The following SIRT2 variants were observed in gnomAD, a reference collection of about 807,000 sequenced individuals.
The protein encoded by SIRT2 is sirtuin 2, also known as NAD-dependent protein deacetylase sirtuin-2.
A neutral mutation model predicts 57.4 loss-of-function variants in SIRT2; 40 were observed. That is an observed-to-expected ratio of 0.70 (90% confidence interval 0.54 to 0.91). The LOEUF is 0.91. Among genes scored for constraint, SIRT2 ranks in the 40% least tolerant of loss-of-function variants. SIRT2 has a pLI of 0.00. For synonymous variants in SIRT2, 161 were observed against 195.7 expected (o/e 0.82, Z 1.48); for missense variants, 439 against 510.4 (o/e 0.86, Z 1.35).
Position 38,880,407 on chromosome 19 carries a change from C to A in SIRT2, c.876+278G>T. 1 of 359,544 alleles carries A rather than the reference C, an allele frequency of 2.8e-6. No individual in the cohort carries two copies. Among genetic ancestry groups the A allele is most frequent in the Non-Finnish European group, 5.0e-6 (1 of 201,952 alleles). The allele number at this position is 359,544 out of a possible 1,614,324, so 22.3% of individuals were successfully genotyped here. The stretch of plus-strand genomic sequence containing the variant: ...GACCCAACCCCGCCCCCCGCACTGT[C>A]TCTCCTGACCCCTGCACCCCCTCCC... On this transcript the variant is annotated intron_variant, in intron 13 of 15. Coordinates refer to ENST00000249396, the MANE Select transcript of SIRT2 (RefSeq NM_012237.4). The surrounding 1 kb of genome is among the most constrained non-coding windows in gnomAD (Gnocchi z 4.1).
rs762318031 is a variant in SIRT2 at position 38,889,864 on chromosome 19, G to A, written c.366C>T (p.Ser122=). ...LPYPEAIFEI[S]YFKKHPEPFF... is the part of the protein sequence containing the mutation. ...CTGGGGGAGCACAAACCTTGAAATA[G>A]CTGATCTCAAAGATGGCCTCTGGGT... Residue 122 remains serine (S), a synonymous_variant, in exon 6 of 16, where the codon AGC becomes AGT. Coordinates refer to ENST00000249396, the MANE Select transcript of SIRT2 (RefSeq NM_012237.4). The A allele has an allele frequency of 3.7e-6, 6 of 1,613,888 alleles. No homozygotes were observed. Among genetic ancestry groups the A allele is most frequent in the Non-Finnish European group, 4.2e-6 (5 of 1,179,762 alleles).
In SIRT2 at chr19:38,889,116, T is replaced by G. The variant is rs756924846; in HGVS notation, c.472A>C (p.Lys158Gln). The G allele has an allele frequency of 6.2e-7, 1 of 1,612,986 alleles. No individual in the cohort carries two copies. The highest frequency in any genetic ancestry group is 2.2e-5 in the East Asian group (1 of 44,878). ...CHYFMRLLKD[K>Q]GLLLRCYTQN... is the part of the protein sequence containing the mutation. ...GTGTAGCAGCGCAGGAGTAGCCCCT[T>G]GTCCTTCAGCAGGCGCATGAAGTAG... The change falls in exon 8 of 16, where the codon AAG becomes CAG. Residue 158 changes from lysine (K) to glutamine (Q), a missense_variant. By Grantham distance (53) the Lys-to-Gln change is moderately conservative (BLOSUM62 1). Transcript: ENST00000249396.
chr19:38,883,054 GA>G (rs1203525480), intron 9 of SIRT2, among the ~76,000 whole-genome samples: 2 of 150,774 alleles, frequency 1.3e-5, no homozygotes, highest in African/African-American at 2.4e-5. Context: ...GGCTTTCCAT[GA>G]GTGGAATAAG....
Position 38,893,562 on chromosome 19 carries a change from G to A in SIRT2, c.113-35C>T, listed in dbSNP as rs1338203561. The stretch of plus-strand genomic sequence containing the variant: ...AAGAAGAGAGACAGCGGCAGGACGG[G>A]CATTCAGCCAGGGGCATGGATGTCT... On this transcript the variant is annotated intron_variant, in intron 3 of 15. Transcript: ENST00000249396. 4.0e-6 allele frequency: 6 copies of A among 1,482,378 alleles called. No homozygotes were observed. In the South Asian group the frequency reaches 4.6e-5, roughly 11 times the overall value. The allele number at this position is 1,482,378 out of a possible 1,614,324, so 91.8% of individuals were successfully genotyped here. A position where few individuals can be genotyped will look rare whatever the true frequency, so the allele number is the denominator to read the frequency against.
chr19:38,889,591 G>A (rs1230344476), intron 7 of SIRT2, 98 bp downstream of exon 7: 1 of 1,374,464 alleles, frequency 7.3e-7, no homozygotes, highest in East Asian at 2.4e-5. Flanking sequence ...TGTACTTAAT[G>A]GCTACATAAT....
intron 2 of SIRT2, chr19:38,894,177 G>T: frequency 2.7e-6 from 1 of 371,130 alleles, no homozygotes; most frequent in Non-Finnish European, 4.9e-6. Context: ...GCTTGCTGCA[G>T]CCTCAACCTC....
intron 1 of SIRT2, among the ~76,000 whole-genome samples, chr19:38,899,214 AC>A (rs1186059387): frequency 6.6e-6 from 1 of 152,062 alleles, no homozygotes; most frequent in East Asian, 1.9e-4. Context: ...AGCAAGCGGG[AC>A]CGGGGCAACT....
chr19:38,885,111 G>A lies in SIRT2; in HGVS notation c.502-1355C>T, dbSNP rs1031872676. Among the ~76,000 whole-genome samples the A allele has an allele frequency of 6.0e-5, 9 of 151,186 alleles. No homozygotes were observed. The East Asian group carries it at 1.8e-3, about 29-fold the overall frequency. On this transcript the variant is annotated intron_variant, in intron 8 of 15. Transcript: ENST00000249396. ...TGTTCTTTTCTTTTTTTGGAGGCAG[G>A]GTCTTGCTCTGTCACTCAGGCTGGA...
intron 1 of SIRT2, among the ~76,000 whole-genome samples, chr19:38,899,089 G>C (rs1973836470): frequency 6.6e-6 from 1 of 152,150 alleles, no homozygotes; most frequent in Non-Finnish European, 1.5e-5. Context: ...GGGAGGTGCA[G>C]TGGTGCAGTG....
At chr19:38,884,268 T>C (rs931476696) in intron 8 of SIRT2, among the ~76,000 whole-genome samples, 4 of 152,212 alleles carry the variant, frequency 2.6e-5, no homozygotes, top group Admixed American at 2.6e-4. Context: ...GATGCTTTAT[T>C]TCCACCTGTC....
At chr19:38,891,550 A>AAAT (rs892589057) in intron 4 of SIRT2, among the ~76,000 whole-genome samples, 2 of 152,006 alleles carry the variant, frequency 1.3e-5, no homozygotes, top group African/African-American at 2.4e-5. Flanking sequence ...CTCTGTCTCA[A>AAAT]AATAATAATA....
At chr19:38,889,622 C>T (rs1973458290) in intron 7 of SIRT2, 67 bp downstream of exon 7, 7 of 1,567,930 alleles carry the variant, frequency 4.5e-6, no homozygotes, top group East Asian at 2.2e-5. Flanking sequence ...AGGGCCTTGG[C>T]GGGGCTTCTC....
chr19:38,896,173 T>C (rs1973711065), intron 2 of SIRT2, among the ~76,000 whole-genome samples: 1 of 152,198 alleles, frequency 6.6e-6, no homozygotes, highest in South Asian at 2.1e-4. Flanking sequence ...ATTATACTCA[T>C]GTATACTTCA....
intron 2 of SIRT2, among the ~76,000 whole-genome samples, chr19:38,896,713 G>A (rs948274292): frequency 4.6e-5 from 7 of 152,196 alleles, no homozygotes; most frequent in Admixed American, 2.0e-4. Flanking sequence ...GACAGTGGTC[G>A]TGCTTTGGGA....
In SIRT2 at chr19:38,880,125, A is replaced by C. The variant is rs529651436; in HGVS notation, c.877-423T>G. 5.2e-6 allele frequency: 1 copy of C among 193,384 alleles called. No homozygotes were observed. The highest frequency in any genetic ancestry group is 1.4e-4 in the East Asian group (1 of 7,398). 12.0% of individuals were successfully genotyped at this position (193,384 alleles called of 1,614,324 possible). ...CAGGCGTGAGCCATTGCGCCCAGCC[A>C]GCTCAGTGACTTTGGTCAAGTGACT... On this transcript the variant is annotated intron_variant, in intron 13 of 15. Transcript: ENST00000249396. This position sits in a 1 kb window ranked among gnomAD's most constrained non-coding sequence, Gnocchi z 4.1.
intron 2 of SIRT2, among the ~76,000 whole-genome samples, chr19:38,895,888 T>G (rs1973700370): frequency 6.6e-6 from 1 of 152,032 alleles, no homozygotes; most frequent in African/African-American, 2.4e-5. Context: ...CTGGCCAACA[T>G]GATGAAACCC....
At chr19:38,892,517 G>A (rs558413383) in intron 4 of SIRT2, among the ~76,000 whole-genome samples, 40 of 152,198 alleles carry the variant, frequency 2.6e-4, no homozygotes, top group East Asian at 2.5e-3. Flanking sequence ...CACAGCTCTC[G>A]CTATGTTCCA....
At position 38,879,527 on chromosome 19, in the gene SIRT2, C is replaced by T. The variant is rs756316225; in HGVS notation, c.948-27G>A. 20 of 1,589,748 alleles carry T rather than the reference C, an allele frequency of 1.3e-5. No homozygotes were observed. The South Asian group carries it at 2.3e-4, about 18-fold the overall frequency. Reference sequence around the variant, plus strand: ...TGCGGTGCAGCAGGAGATCAGAGTTCCCAGGCGGGCTCGCCCCTGCCTGCT... The same window carrying T: ...TGCGGTGCAGCAGGAGATCAGAGTTTCCAGGCGGGCTCGCCCCTGCCTGCT... On this transcript the variant is annotated intron_variant, in intron 14 of 15. Coordinates refer to ENST00000249396, the MANE Select transcript of SIRT2 (RefSeq NM_012237.4).
intron 2 of SIRT2, among the ~76,000 whole-genome samples, chr19:38,895,051 A>T (rs949272198): frequency 5.0e-5 from 7 of 139,382 alleles, no homozygotes; most frequent in South Asian, 2.7e-4. Flanking sequence ...CATCAGCCAG[A>T]TGTTTCCTGC....
Sources: gnomAD v4.1 joint callset for allele counts (sites outside exome capture counted in the v4.1 genomes callset) on GRCh38, gnomAD v4.1.1 for gene constraint, Gnocchi (gnomAD v3.1) non-coding constraint, MANE v1.5 for transcripts, NCBI Gene and HGNC (gene_info 2026-07-23, HGNC 2026-07-21) for gene names.